Variants in THSD4 observed in about 807,000 individuals in gnomAD.
THSD4 encodes the protein thrombospondin type 1 domain containing 4.
In THSD4, 69 loss-of-function variants were observed where a neutral mutation model predicts 119.0. The observed-to-expected ratio is 0.58, with a 90% CI of 0.48 to 0.71. The LOEUF is 0.71. THSD4 is among the 30% of genes least tolerant of loss of function. The pLI, the probability that THSD4 is intolerant of heterozygous loss-of-function variation, is 0.00. For synonymous variants in THSD4, 524 were observed against 540.4 expected (o/e 0.97, Z 0.42); for missense variants, 1,393 against 1,391.1 (o/e 1.00, Z -0.02).
rs112295217 is a variant in THSD4, at chr15:71,542,537, C to T, written c.1153-117993C>T. ...GGCATTTTGCTTCTATAGTATTCTT[C>T]GTAAAAACTCATTAACCCCTGTCTA... On this transcript the variant is annotated intron_variant, in intron 7 of 17. Transcript: ENST00000261862. Among the ~76,000 whole-genome samples the T allele has an allele frequency of 4.3e-3, 659 of 152,018 alleles. 3 individuals carry two copies. Among genetic ancestry groups the T allele is most frequent in the African/African-American group, 0.015 (637 of 41,454 alleles).
chr15:71,585,896 G>T lies in THSD4; in HGVS notation c.1153-74634G>T, dbSNP rs538918435. ...TGAAGCACTCTATTGATTTTTTTCA[G>T]TTCAGTCGTTGTATTACTTAGTGCC... On this transcript the variant is annotated intron_variant, in intron 7 of 17. Transcript: ENST00000261862. 4.7e-4 allele frequency among the ~76,000 whole-genome samples: 71 copies of T among 151,970 alleles called. 2 individuals are homozygous for T. In the South Asian group the frequency reaches 0.013, roughly 29 times the overall value.
intron 17 of THSD4, among the ~76,000 whole-genome samples, chr15:71,775,675 T>A (rs2053899733): frequency 6.6e-6 from 1 of 152,114 alleles, no homozygotes; most frequent in African/African-American, 2.4e-5. Flanking sequence ...AGAGCCACTG[T>A]ATTCCAGCCT....
chr15:71,530,589 C>T (rs1314973208), intron 7 of THSD4, among the ~76,000 whole-genome samples: 1 of 150,424 alleles, frequency 6.6e-6, no homozygotes, highest in African/African-American at 2.4e-5. Context: ...TGGTAATATA[C>T]ACATCTATTT....
intron 7 of THSD4, among the ~76,000 whole-genome samples, chr15:71,607,947 G>T (rs1394003165): frequency 2.6e-5 from 4 of 152,022 alleles, no homozygotes; most frequent in African/African-American, 9.7e-5. Flanking sequence ...ACTTAGCCTG[G>T]GCTGGGTGGC....
At chr15:71,672,612 T>C (rs2051555379) in intron 8 of THSD4, among the ~76,000 whole-genome samples, 2 of 152,232 alleles carry the variant, frequency 1.3e-5, no homozygotes, top group African/African-American at 4.8e-5. Context: ...CAGTATGATA[T>C]TGGCTGTGGG....
chr15:71,584,916 T>G (rs1952182836), intron 7 of THSD4, among the ~76,000 whole-genome samples: 1 of 152,188 alleles, frequency 6.6e-6, no homozygotes, highest in Non-Finnish European at 1.5e-5. Flanking sequence ...ATCTTATATC[T>G]ATAATAGTCT....
chr15:71,550,673 C>G (rs911910825), intron 7 of THSD4, among the ~76,000 whole-genome samples: 3 of 152,190 alleles, frequency 2.0e-5, no homozygotes, highest in African/African-American at 7.2e-5. Flanking sequence ...ATCTCCTGAC[C>G]TCGTGATCCG....
Position 71,778,509 on chromosome 15 carries a change from G to A in THSD4, c.*1135G>A, listed in dbSNP as rs2053951696. The A allele has an allele frequency of 6.5e-6, 1 of 152,724 alleles. No individual in the cohort carries two copies. Among genetic ancestry groups the A allele is most frequent in the Non-Finnish European group, 1.5e-5 (1 of 68,484 alleles). 9.5% of individuals were successfully genotyped at this position (152,724 alleles called of 1,614,324 possible). On this transcript the variant is annotated 3_prime_UTR_variant, in exon 18 of 18. Coordinates refer to ENST00000261862, the MANE Select transcript of THSD4 (RefSeq NM_024817.3). Reference sequence around the variant, plus strand: ...AACTTGTGAAGCACACAGCTCTGCAGCCTGGGCTCTGCCCTGCCTCAGCCG... The same window carrying A: ...AACTTGTGAAGCACACAGCTCTGCAACCTGGGCTCTGCCCTGCCTCAGCCG...
intron 6 of THSD4, among the ~76,000 whole-genome samples, chr15:71,296,585 C>T (rs148636716): frequency 1.4e-4 from 22 of 152,176 alleles, no homozygotes; most frequent in Non-Finnish European, 3.2e-4. Context: ...GTTGGCCAAG[C>T]AGCGTGCATA....
At chr15:71,584,264 T>A (rs1225056450) in intron 7 of THSD4, among the ~76,000 whole-genome samples, 9 of 19,432 alleles carry the variant, frequency 4.6e-4, no homozygotes, top group African/African-American at 1.2e-3. Context: ...TTCACTTTCT[T>A]TTTTTTTTTT....
chr15:71,373,037 A>T (rs959448913), intron 6 of THSD4, among the ~76,000 whole-genome samples: 2 of 151,936 alleles, frequency 1.3e-5, no homozygotes, highest in Non-Finnish European at 2.9e-5. Flanking sequence ...TCTTGCAACA[A>T]CCTCCTTTCA....
chr15:71,486,611 G>GTTTTTTTTTT (rs200120589), intron 7 of THSD4, among the ~76,000 whole-genome samples: 14 of 131,704 alleles, frequency 1.1e-4, no homozygotes, highest in South Asian at 2.4e-4. Flanking sequence ...TTTCTTTTCT[G>GTTTTTTTTTT]TTTTTTTTTT....
chr15:71,519,138 A>G (rs1286930618), intron 7 of THSD4, among the ~76,000 whole-genome samples: 5 of 152,152 alleles, frequency 3.3e-5, no homozygotes, highest in African/African-American at 1.2e-4. Flanking sequence ...TGAAGGATCC[A>G]GAATCCAGTG....
chr15:71,768,484 A>G (rs2140238123), intron 16 of THSD4, among the ~76,000 whole-genome samples: 1 of 151,978 alleles, frequency 6.6e-6, no homozygotes, highest in East Asian at 1.9e-4. Flanking sequence ...AGACAGTGGA[A>G]GGGAAACCTA....
chr15:71,135,321 A>G (rs1193998286), intron 1 of THSD4, among the ~76,000 whole-genome samples: 1 of 150,036 alleles, frequency 6.7e-6, no homozygotes, highest in African/African-American at 2.5e-5. Context: ...TATGTAACTA[A>G]CCTGCACAAT....
At chr15:71,572,746 G>C (rs2049381264) in intron 7 of THSD4, among the ~76,000 whole-genome samples, 2 of 152,276 alleles carry the variant, frequency 1.3e-5, no homozygotes, top group South Asian at 4.2e-4. Flanking sequence ...TAGGGGTGGG[G>C]AGAACACTCT....
intron 6 of THSD4, among the ~76,000 whole-genome samples, chr15:71,311,205 A>T (rs2045106194): frequency 6.6e-6 from 1 of 152,212 alleles, no homozygotes; most frequent in South Asian, 2.1e-4. Flanking sequence ...ATAAAAAGGG[A>T]GGACAATGAG....
intron 1 of THSD4, among the ~76,000 whole-genome samples, chr15:71,097,623 G>A (rs2040236348): frequency 6.7e-6 from 1 of 149,860 alleles, no homozygotes; most frequent in Non-Finnish European, 1.5e-5. Context: ...TTATTGAGGG[G>A]GAAAAAAGAG....
intron 3 of THSD4, among the ~76,000 whole-genome samples, chr15:71,159,090 C>T (rs2043227564): frequency 6.6e-6 from 1 of 152,084 alleles, no homozygotes; most frequent in South Asian, 2.1e-4. Flanking sequence ...GTCTTTTCCT[C>T]AATATGTGTT....
Sources: allele counts gnomAD v4.1 joint callset (sites outside exome capture counted in the v4.1 genomes callset), GRCh38; gene constraint gnomAD v4.1.1; transcripts MANE v1.5; gene names NCBI Gene and HGNC (gene_info 2026-07-23, HGNC 2026-07-21).